DDX25: variants seen among roughly 807,000 people sequenced by gnomAD.
DDX25 encodes the protein DEAD-box helicase 25.
DDX25 carries 70 observed loss-of-function variants against 64.6 expected under a neutral mutation model. The ratio of observed to expected loss-of-function variants is 1.08; its 90% CI spans 0.89 to 1.32. The LOEUF is 1.32. Among genes scored for constraint, DDX25 ranks in the 40% most tolerant of loss-of-function variants. The pLI is 0.00. For synonymous variants in DDX25, 211 were observed against 213.3 expected, an observed-to-expected ratio of 0.99 and a Z score of 0.09; for missense variants, 587 against 604.4, an observed-to-expected ratio of 0.97 and a Z score of 0.30.
At chr11:125,914,737 A>G (rs2134280232) in intron 8 of DDX25, among the ~76,000 whole-genome samples, 1 of 152,270 alleles carries the variant, frequency 6.6e-6, no homozygotes, top group Middle Eastern at 3.4e-3. Context: ...GTAGTGAAAA[A>G]GGGCTTTCTT....
chr11:125,920,869 AG>A (rs1424959478), intron 10 of DDX25: 1 of 225,648 alleles, frequency 4.4e-6, no homozygotes. Context: ...CAGAGAGGAG[AG>A]GGTGGCTCTG....
At chr11:125,922,498 G>A (rs1945127875) in intron 11 of DDX25, 1 of 262,218 alleles carries the variant, frequency 3.8e-6, no homozygotes, top group East Asian at 6.9e-5. Flanking sequence ...GATGTGTTAA[G>A]GCCACTGTCG....
At chr11:125,917,367 A>T (rs1371118883) in intron 9 of DDX25, 116 bp downstream of exon 9, 1 of 937,280 alleles carries the variant, frequency 1.1e-6, no homozygotes, top group East Asian at 2.6e-5. Flanking sequence ...GTGTGTCTCC[A>T]GTTTAATCTT....
upstream of DDX25, chr11:125,904,271 C>A (rs1430196571): frequency 1.6e-4 from 8 of 49,158 alleles, no homozygotes; most frequent in Admixed American, 1.9e-3. Flanking sequence ...CCTTTCGCCC[C>A]GCTCTCTGCC....
upstream of DDX25, among the ~76,000 whole-genome samples, chr11:125,903,616 G>A (rs1409851006): frequency 6.6e-6 from 1 of 152,216 alleles, no homozygotes; most frequent in Non-Finnish European, 1.5e-5. Context: ...TGCCCTGAGA[G>A]TGACCGAACA....
chr11:125,912,233 C>T (rs1053584461), intron 8 of DDX25, among the ~76,000 whole-genome samples: 4 of 152,146 alleles, frequency 2.6e-5, no homozygotes, highest in African/African-American at 9.7e-5. Flanking sequence ...CAACTGATTT[C>T]CCATTATAGG....
At position 125,925,253 on chromosome 11, in the gene DDX25, C is replaced by T. The variant is rs1017409788; in HGVS notation, c.*2372C>T. 1.1e-5 allele frequency: 4 copies of T among 365,988 alleles called. No homozygotes were observed. Among genetic ancestry groups the T allele is most frequent in the Non-Finnish European group, 2.2e-5 (4 of 180,704 alleles). The allele number at this position is 365,988 out of a possible 1,614,324, so 22.7% of individuals were successfully genotyped here. A position where few individuals can be genotyped will look rare whatever the true frequency, so the allele number is the denominator to read the frequency against. On this transcript the variant is annotated 3_prime_UTR_variant, in exon 12 of 12. Coordinates refer to ENST00000263576, the MANE Select transcript of DDX25 (RefSeq NM_013264.5). ...GTAAGATCTCCGCCAGTTACCCTCA[C>T]AAATGTCCTCAGTAATTTTTGTTTG...
rs2134290951 is a variant in DDX25, at chr11:125,928,407, A to G, written c.*5526A>G. ...GGATGTCCATTTTTCCAAAGCTTTA[A>G]TTATAAATCATGCTGCAGTAAATAT... is the stretch of plus-strand genomic sequence containing the variant. On this transcript the variant is annotated 3_prime_UTR_variant, in exon 12 of 12. Coordinates refer to ENST00000263576, the MANE Select transcript of DDX25 (RefSeq NM_013264.5). 1 of 152,338 alleles carries G rather than the reference A, an allele frequency of 6.6e-6. No homozygotes were observed. Among genetic ancestry groups the G allele is most frequent in the Admixed American group, 6.5e-5 (1 of 15,304 alleles). The allele number at this position is 152,338 out of a possible 1,614,324, so 9.4% of individuals were successfully genotyped here.
In DDX25 at chr11:125,917,985, TCTC is replaced by T. The variant is rs879802390; in HGVS notation, c.1039-640_1039-638del. Among the ~76,000 whole-genome samples the T allele has an allele frequency of 2.6e-5, 4 of 152,102 alleles. No individual in the cohort carries two copies. The East Asian group carries it at 7.7e-4, about 29-fold the overall frequency. On this transcript the variant is annotated intron_variant, in intron 9 of 11. Coordinates refer to ENST00000263576, the MANE Select transcript of DDX25 (RefSeq NM_013264.5). ...TCTCCGCCTCCTGGGTTCAAGCAAT[TCTC>T]CTGCCTCAGCTTCCCGAGTAGCTGA...
In DDX25 at chr11:125,925,064, G is replaced by T; in HGVS notation, c.*2183G>T. 1 of 157,100 alleles carries T rather than the reference G, an allele frequency of 6.4e-6. No individual in the cohort carries two copies. The highest frequency in any genetic ancestry group is 1.4e-5 in the Non-Finnish European group (1 of 71,096). The allele number at this position is 157,100 out of a possible 1,614,324, so 9.7% of individuals were successfully genotyped here. ...TTTTTAGGTTTTCCATCCTAGTTTTGAACCCCAATTACATGGCACAGGATG... is the reference window on the plus strand; with the variant it reads ...TTTTTAGGTTTTCCATCCTAGTTTTTAACCCCAATTACATGGCACAGGATG... On this transcript the variant is annotated 3_prime_UTR_variant, in exon 12 of 12. Coordinates refer to ENST00000263576, the MANE Select transcript of DDX25 (RefSeq NM_013264.5).
rs1472531256 is a variant in DDX25, at chr11:125,925,489, C to T, written c.*2608C>T. 4.4e-6 allele frequency: 2 copies of T among 456,060 alleles called. No homozygotes were observed. The highest frequency in any genetic ancestry group is 4.0e-5 in the African/African-American group (2 of 50,040). 28.3% of individuals were successfully genotyped at this position (456,060 alleles called of 1,614,324 possible). ...CCTGTCAGAGCTGTAAGCAATTTTC[C>T]CGTCTTCCTGCATGGCCTGGCCAAG... On this transcript the variant is annotated 3_prime_UTR_variant, in exon 12 of 12. Coordinates refer to ENST00000263576, the MANE Select transcript of DDX25 (RefSeq NM_013264.5).
chr11:125,925,166 A>C lies in DDX25; in HGVS notation c.*2285A>C, dbSNP rs1159042496. 1 of 289,284 alleles carries C rather than the reference A, an allele frequency of 3.5e-6. No homozygotes were observed. Among genetic ancestry groups the C allele is most frequent in the Admixed American group, 4.4e-5 (1 of 22,828 alleles). 17.9% of individuals were successfully genotyped at this position (289,284 alleles called of 1,614,324 possible). On this transcript the variant is annotated 3_prime_UTR_variant, in exon 12 of 12. Coordinates refer to ENST00000263576, the MANE Select transcript of DDX25 (RefSeq NM_013264.5). ...TCGAGTTGGACCTTCCACCGTGCTC[A>C]GCTCCGCCTTGGGGTGTCCTAAATA...
rs377547552 is a variant in DDX25, at chr11:125,917,150, C to T, written c.937C>T (p.Arg313Trp). The change falls in exon 9 of 12, where the codon CGG becomes TGG. Residue 313 changes from arginine (R) to tryptophan (W), a missense_variant. Arg to Trp is a moderately radical substitution (Grantham distance 101). Transcript: ENST00000263576. ...AGAGGAGCTCACACTGAACAACATC[C>T]GGCAATATTACGTGCTGTGTGAGCA... ...RKEELTLNNI[R>W]QYYVLCEHRK... The T allele has an allele frequency of 2.5e-5, 41 of 1,610,968 alleles. No homozygotes were observed. Among genetic ancestry groups the T allele is most frequent in the Middle Eastern group, 3.3e-4 (2 of 6,082 alleles).
At chr11:125,904,801 G>A in intron 1 of DDX25, 2 of 597,550 alleles carry the variant, frequency 3.3e-6, no homozygotes, top group South Asian at 2.1e-5. Flanking sequence ...CAAAAATGAC[G>A]ACCCCTGGAA....
Position 125,917,212 on chromosome 11 carries a change from T to G in DDX25, c.999T>G (p.Tyr333Ter). Residue 333 changes from tyrosine to a stop codon, truncating the protein, a stop_gained, in exon 9 of 12, where the codon TAT (tyrosine) becomes TAG (stop). Transcript: ENST00000263576. LOFTEE classifies it high-confidence loss of function. ...AATACCAAGCTCTGTGCAACATTTATGGCAGCATCACCATTGGTCAGGCCA... is the reference window on the plus strand; with the variant it reads ...AATACCAAGCTCTGTGCAACATTTAGGGCAGCATCACCATTGGTCAGGCCA... The part of the protein sequence containing the change: ...KDKYQALCNI[Y>*]GSITIGQAII... 1 of 1,609,964 alleles carries G rather than the reference T, an allele frequency of 6.2e-7. No homozygotes were observed. The highest frequency in any genetic ancestry group is 8.5e-7 in the Non-Finnish European group (1 of 1,178,360).
rs768985429 is a variant in DDX25, at chr11:125,916,987, G to C, written c.801-27G>C. On this transcript the variant is annotated intron_variant, in intron 8 of 11. Coordinates refer to ENST00000263576, the MANE Select transcript of DDX25 (RefSeq NM_013264.5). ...AGAAGAGTGATGGGATGGCAGCTTG[G>C]TGACAGCCTTCTCTCCTCTATCACA... 1.9e-6 allele frequency: 3 copies of C among 1,559,932 alleles called. No individual in the cohort carries two copies. In the African/African-American group the frequency reaches 4.1e-5, roughly 21 times the overall value.
intron 9 of DDX25, among the ~76,000 whole-genome samples, chr11:125,917,763 T>G (rs528897474): frequency 6.6e-6 from 1 of 152,308 alleles, no homozygotes; most frequent in East Asian, 1.9e-4. Context: ...ACCAAAAACA[T>G]ATGTGTAGAA....
chr11:125,907,341 G>A (rs548295304), intron 4 of DDX25, among the ~76,000 whole-genome samples: 3 of 152,288 alleles, frequency 2.0e-5, no homozygotes, highest in Non-Finnish European at 4.4e-5. Context: ...GGGCGCGGTG[G>A]CTCACGCCTG....
Position 125,925,712 on chromosome 11 carries a change from CTG to C in DDX25, c.*2834_*2835del, listed in dbSNP as rs947232625. The C allele has an allele frequency of 1.0e-4, 29 of 290,372 alleles. No homozygotes were observed. The highest frequency in any genetic ancestry group is 1.3e-4 in the Admixed American group (3 of 22,722). The allele number at this position is 290,372 out of a possible 1,614,324, so 18.0% of individuals were successfully genotyped here. Reference sequence around the variant, plus strand: ...AAATTCATGATTACGTAGAGCAGGACTGTGATTTCCAGTGGGTAAGTGAACAC... The same window carrying C: ...AAATTCATGATTACGTAGAGCAGGACTGATTTCCAGTGGGTAAGTGAACAC... On this transcript the variant is annotated 3_prime_UTR_variant, in exon 12 of 12. Coordinates refer to ENST00000263576, the MANE Select transcript of DDX25 (RefSeq NM_013264.5).
Sources: allele counts gnomAD v4.1 joint callset (sites outside exome capture counted in the v4.1 genomes callset), GRCh38; gene constraint gnomAD v4.1.1; transcripts MANE v1.5; gene names NCBI Gene and HGNC (gene_info 2026-07-23, HGNC 2026-07-21).